The following OR10J1 variants were observed in gnomAD, a reference collection of about 807,000 sequenced individuals.
The protein encoded by OR10J1 is olfactory receptor 10J1.
For synonymous variants in OR10J1, 202 were observed against 143.8 expected (o/e 1.40, Z -2.89); for missense variants, 474 against 376.6 (o/e 1.26, Z -2.14).
chr1:159,397,718 C>A, the OR10J1 span, among the ~76,000 whole-genome samples: 4 of 152,148 alleles, frequency 2.6e-5, no homozygotes, highest in Non-Finnish European at 4.4e-5. Flanking sequence ...GGTTTCCGTG[C>A]CAGCTCAGCT....
upstream of OR10J1, among the ~76,000 whole-genome samples, chr1:159,438,298 C>T (rs981745783): frequency 6.6e-6 from 1 of 152,168 alleles, no homozygotes; most frequent in African/African-American, 2.4e-5. Flanking sequence ...CCGTGTGTTT[C>T]TCAATGGGAA....
At chr1:159,406,437 A>G in the OR10J1 span, 2 of 343,740 alleles carry the variant, frequency 5.8e-6, no homozygotes, top group African/African-American at 4.3e-5. Flanking sequence ...TATGTAACAG[A>G]TTACACAGTT....
the OR10J1 span, among the ~76,000 whole-genome samples, chr1:159,408,327 C>A: frequency 1.3e-5 from 2 of 151,774 alleles, no homozygotes; most frequent in Non-Finnish European, 2.9e-5. Context: ...GACATGGATG[C>A]AATGGGAAAT....
At chr1:159,432,768 G>A in the OR10J1 span, 2 of 387,272 alleles carry the variant, frequency 5.2e-6, no homozygotes, top group Non-Finnish European at 9.0e-6. Flanking sequence ...AATGAAGCTT[G>A]CCTGTGCAGA....
At chr1:159,407,026 G>T in the OR10J1 span, among the ~76,000 whole-genome samples, 1 of 152,006 alleles carries the variant, frequency 6.6e-6, no homozygotes, top group Non-Finnish European at 1.5e-5. Flanking sequence ...TTTTCCAGTT[G>T]TTACCATAAC....
the OR10J1 span, among the ~76,000 whole-genome samples, chr1:159,429,467 G>T: frequency 2.6e-5 from 4 of 152,162 alleles, no homozygotes; most frequent in African/African-American, 9.7e-5. Flanking sequence ...TCCCCATAAT[G>T]CGATCATGAG....
the OR10J1 span, among the ~76,000 whole-genome samples, chr1:159,429,563 G>T: frequency 6.6e-6 from 1 of 152,168 alleles, no homozygotes; most frequent in Admixed American, 6.5e-5. Context: ...CAAGATTGTC[G>T]AAGTACTAGT....
At chr1:159,430,674 C>CGCACGT in the OR10J1 span, among the ~76,000 whole-genome samples, 3 of 30,842 alleles carry the variant, frequency 9.7e-5, no homozygotes, top group Non-Finnish European at 3.5e-4. Flanking sequence ...TGTGTGCGCG[C>CGCACGT]GCGCACATGT....
chr1:159,438,970 G>A (rs908621075), upstream of OR10J1, among the ~76,000 whole-genome samples: 2 of 152,114 alleles, frequency 1.3e-5, no homozygotes, highest in South Asian at 2.1e-4. Context: ...TCTGCAGAGT[G>A]GGTGTAGGCT....
At chr1:159,429,833 TAACTG>T in the OR10J1 span, among the ~76,000 whole-genome samples, 1 of 152,174 alleles carries the variant, frequency 6.6e-6, no homozygotes, top group African/African-American at 2.4e-5. Context: ...GGAGATAAAT[TAACTG>T]AAAGGTCCTG....
At chr1:159,416,592 C>T in the OR10J1 span, among the ~76,000 whole-genome samples, 1 of 151,680 alleles carries the variant, frequency 6.6e-6, no homozygotes, top group East Asian at 1.9e-4. Context: ...GTAATGCTGC[C>T]TCATACAATG....
chr1:159,440,531 T>G lies in OR10J1; in HGVS notation c.740T>G (p.Val247Gly). 6.2e-7 allele frequency: 1 copy of G among 1,614,040 alleles called. No homozygotes were observed. Among genetic ancestry groups the G allele is most frequent in the Non-Finnish European group, 8.5e-7 (1 of 1,179,992 alleles). Residue 247 changes from valine (V) to glycine (G), a missense_variant, in exon 1 of 1, where the codon GTC (valine) becomes GGC (glycine). Coordinates refer to ENST00000423932, the MANE Select transcript of OR10J1 (RefSeq NM_012351.3). ...ACCTGTGCATCCCACCTCACTGTGG[T>G]CATTGTCCACTACAGCTGTGCCTCC... ...FATCASHLTV[V>G]IVHYSCASIA...
chr1:159,420,048 A>G, the OR10J1 span, among the ~76,000 whole-genome samples: 2 of 151,718 alleles, frequency 1.3e-5, no homozygotes, highest in Non-Finnish European at 2.9e-5. Flanking sequence ...CCCATTGCTG[A>G]ATTTCTCTGT....
chr1:159,401,963 T>C, the OR10J1 span, among the ~76,000 whole-genome samples: 2 of 152,062 alleles, frequency 1.3e-5, no homozygotes, highest in African/African-American at 4.8e-5. Flanking sequence ...ATCAATGTGA[T>C]ACATTACATC....
At chr1:159,406,189 A>G in the OR10J1 span, 14 of 515,606 alleles carry the variant, frequency 2.7e-5, no homozygotes, top group South Asian at 1.9e-4. Context: ...GAAGAAGTAC[A>G]TGGGGGTGTG....
At chr1:159,438,697 T>G (rs1003728181), upstream of OR10J1, among the ~76,000 whole-genome samples, 10 of 152,242 alleles carry the variant, frequency 6.6e-5, no homozygotes, top group Non-Finnish European at 1.5e-4. Flanking sequence ...CGTACTAACC[T>G]TCATCATTGA....
the OR10J1 span, chr1:159,405,553 A>G: frequency 1.7e-5 from 6 of 347,556 alleles, no homozygotes; most frequent in South Asian, 1.3e-4. Flanking sequence ...GGTCACTGAG[A>G]TGAGTCTGTT....
the OR10J1 span, among the ~76,000 whole-genome samples, chr1:159,397,906 A>T: frequency 6.6e-6 from 1 of 152,166 alleles, no homozygotes; most frequent in African/African-American, 2.4e-5. Context: ...TTGAGTGAAC[A>T]TAGGCAGTAG....
At chr1:159,437,713 G>A (rs1382733968), upstream of OR10J1, 3 of 152,252 alleles carry the variant, frequency 2.0e-5, no homozygotes, top group East Asian at 1.9e-4. Context: ...GCCCCAGGGG[G>A]GTGGCTGTCA....
Sources: gnomAD v4.1 joint callset for allele counts (sites outside exome capture counted in the v4.1 genomes callset) on GRCh38, gnomAD v4.1.1 for gene constraint, MANE v1.5 for transcripts, NCBI Gene and HGNC (gene_info 2026-07-23, HGNC 2026-07-21) for gene names.